The following CYP4B1 variants were observed in gnomAD, a reference collection of about 807,000 sequenced individuals.
The protein encoded by CYP4B1 is cytochrome P450 family 4 subfamily B member 1, also known as cytochrome P450 4B1.
CYP4B1 carries 45 observed loss-of-function variants against 54.0 expected under a neutral mutation model. That is an observed-to-expected ratio of 0.83 (90% CI 0.66 to 1.07). CYP4B1 has a LOEUF of 1.07. Among genes scored for constraint, CYP4B1 ranks in the 50% least tolerant of loss-of-function variants. The probability of loss-of-function intolerance (pLI) is 0.00; values close to 1 mark genes in which losing one functional copy is unlikely to be tolerated. For synonymous variants in CYP4B1, 248 were observed against 247.5 expected (o/e 1.00, Z -0.02); for missense variants, 656 against 655.4 (o/e 1.00, Z -0.01).
At chr1:46,815,298 C>T in intron 8 of CYP4B1, 34 bp downstream of exon 8, 1 of 1,513,626 alleles carries the variant, frequency 6.6e-7, no homozygotes, top group Non-Finnish European at 8.8e-7. Context: ...TTATCCTGCT[C>T]AGCCCTTGGG....
At chr1:46,812,209 A>G (rs1011202160) in intron 3 of CYP4B1, 13 of 566,752 alleles carry the variant, frequency 2.3e-5, no homozygotes, top group Middle Eastern at 2.7e-4. Context: ...ACATCTGGCA[A>G]TGTCATCTGA....
At position 46,811,773 on chromosome 1, in the gene CYP4B1, A is replaced by G. The variant is rs1679110403; in HGVS notation, c.367+589A>G. On this transcript the variant is annotated intron_variant, in intron 3 of 11. Coordinates refer to ENST00000371923, the MANE Select transcript of CYP4B1 (RefSeq NM_001099772.2). The stretch of plus-strand genomic sequence containing the variant: ...CATTGAGTATTCTTTAGCCAAGGCC[A>G]TATGCTTCTCCAAAGCTCCTCTTTT... Among the ~76,000 whole-genome samples, 3 of 152,196 alleles carry G rather than the reference A, an allele frequency of 2.0e-5. 1 individual carries two copies. In the South Asian group the frequency reaches 6.2e-4, roughly 31 times the overall value.
chr1:46,809,208 A>T (rs35829903), intron 1 of CYP4B1, among the ~76,000 whole-genome samples: 25,518 of 151,648 alleles, frequency 0.17, 2,146 homozygotes, highest in East Asian at 0.19. Flanking sequence ...AAACAAAAAA[A>T]AGCTCTCATG....
At chr1:46,801,703 G>A (rs944061519) in intron 1 of CYP4B1, among the ~76,000 whole-genome samples, 2 of 152,198 alleles carry the variant, frequency 1.3e-5, no homozygotes, top group African/African-American at 2.4e-5. Context: ...GCAGAGAGGG[G>A]ATTATTTTCC....
At chr1:46,807,229 T>G (rs1369726703) in intron 1 of CYP4B1, among the ~76,000 whole-genome samples, 1 of 152,070 alleles carries the variant, frequency 6.6e-6, no homozygotes, top group Non-Finnish European at 1.5e-5. Flanking sequence ...GGGCACAGGT[T>G]GTGAATGTGG....
chr1:46,812,585 T>C lies in CYP4B1; in HGVS notation c.457T>C (p.Tyr153His), dbSNP rs539678720. 6.2e-7 allele frequency: 1 copy of C among 1,613,844 alleles called. No individual in the cohort carries two copies. Among genetic ancestry groups the C allele is most frequent in the Admixed American group, 1.7e-5 (1 of 59,992 alleles). The part of the protein sequence containing the change: ...PGFHYDVLKP[Y>H]VAVFTESTRI... The stretch of plus-strand genomic sequence containing the variant: ...CTTTCATTATGATGTGCTGAAGCCC[T>C]ATGTGGCCGTGTTCACTGAGTCTAC... Residue 153 changes from tyrosine to histidine, a missense_variant, in exon 4 of 12, where the codon TAT becomes CAT. Transcript: ENST00000371923.
At chr1:46,802,125 T>C (rs1678685526) in intron 1 of CYP4B1, among the ~76,000 whole-genome samples, 1 of 152,134 alleles carries the variant, frequency 6.6e-6, no homozygotes, top group African/African-American at 2.4e-5. Flanking sequence ...ACATAGTAGG[T>C]GCTCAGCTAT....
rs999227114 is a variant in CYP4B1 at position 46,818,032 on chromosome 1, A to G, written c.1272+3A>G. 6.2e-7 allele frequency: 1 copy of G among 1,614,058 alleles called. No homozygotes were observed. The highest frequency in any genetic ancestry group is 8.5e-7 in the Non-Finnish European group (1 of 1,179,944). ...GTGCTGTATGGCCCGACCCTGAGGTACCCTTTCCCTGGGCTGGGAGATCAG... is the reference window on the plus strand; with the variant it reads ...GTGCTGTATGGCCCGACCCTGAGGTGCCCTTTCCCTGGGCTGGGAGATCAG... On this transcript the variant is annotated splice_donor_region_variant and intron_variant, in intron 10 of 11. Coordinates refer to ENST00000371923, the MANE Select transcript of CYP4B1 (RefSeq NM_001099772.2).
intron 3 of CYP4B1, among the ~76,000 whole-genome samples, chr1:46,811,832 TGGGAGCTGAGA>T (rs1182828311): frequency 6.6e-6 from 1 of 152,202 alleles, no homozygotes; most frequent in African/African-American, 2.4e-5. Context: ...AGCGTTTTCC[TGGGAGCTGAGA>T]AAGGGCAGGG....
At chr1:46,812,287 G>A in intron 3 of CYP4B1, 1 of 692,622 alleles carries the variant, frequency 1.4e-6, no homozygotes, top group Non-Finnish European at 2.6e-6. Context: ...CCTGTCCTAA[G>A]GAAGGAGCTC....
intron 1 of CYP4B1, among the ~76,000 whole-genome samples, chr1:46,808,481 T>TC (rs1678951676): frequency 4.6e-5 from 7 of 151,744 alleles, no homozygotes; most frequent in African/African-American, 1.7e-4. Context: ...CGCCCACTTT[T>TC]TGATGGGGTT....
Position 46,813,917 on chromosome 1 carries a change from G to A in CYP4B1, c.629G>A (p.Ser210Asn), listed in dbSNP as rs1385032551. The stretch of plus-strand genomic sequence containing the variant: ...TCCTACCCTCTGCTTAGCAGGGACA[G>A]CAGCTACTACCTTGCAGTCAGCGAT... Reference protein sequence around the residue: ...GDTGLGHSRDSSYYLAVSDLT... With the variant: ...GDTGLGHSRDNSYYLAVSDLT... Residue 210 changes from serine (S) to asparagine (N), a missense_variant, in exon 6 of 12, where the codon AGC becomes AAC. Ser to Asn is a conservative substitution (Grantham distance 46). Coordinates refer to ENST00000371923, the MANE Select transcript of CYP4B1 (RefSeq NM_001099772.2). 1.2e-6 allele frequency: 2 copies of A among 1,614,016 alleles called. No homozygotes were observed. Among genetic ancestry groups the A allele is most frequent in the African/African-American group, 1.3e-5 (1 of 74,920 alleles).
At chr1:46,808,482 T>C (rs1285736904) in intron 1 of CYP4B1, among the ~76,000 whole-genome samples, 7 of 151,808 alleles carry the variant, frequency 4.6e-5, no homozygotes, top group African/African-American at 1.7e-4. Flanking sequence ...GCCCACTTTT[T>C]GATGGGGTTG....
intron 1 of CYP4B1, among the ~76,000 whole-genome samples, chr1:46,808,335 T>A (rs1004279708): frequency 2.0e-5 from 3 of 152,050 alleles, no homozygotes; most frequent in Admixed American, 2.0e-4. Flanking sequence ...ATGATTGTCA[T>A]TCTAACTGGT....
At chr1:46,810,774 C>T (rs1198103598) in intron 1 of CYP4B1, 34 bp from the exon 2 acceptor site, 1 of 1,613,144 alleles carries the variant, frequency 6.2e-7, no homozygotes, top group African/African-American at 1.3e-5. Context: ...ACAATGTGTT[C>T]CTGAGTGACC....
intron 1 of CYP4B1, among the ~76,000 whole-genome samples, chr1:46,810,100 G>A (rs1181398575): frequency 2.0e-5 from 3 of 152,082 alleles, no homozygotes; most frequent in African/African-American, 7.2e-5. Flanking sequence ...TTCTCACCTG[G>A]AATGCTTTTC....
rs1295341706 is a variant in CYP4B1, at chr1:46,818,694, C to T, written c.1419C>T (p.Leu473=). ...AGGTGGTCACAGCCATGTGCTTGCTCCGCTTTGAGTTCTCTCTGGACCCCT... is the reference window on the plus strand; with the variant it reads ...AGGTGGTCACAGCCATGTGCTTGCTTCGCTTTGAGTTCTCTCTGGACCCCT... The part of the protein sequence containing the change: ...EMKVVTAMCL[L]RFEFSLDPSR... Residue 473 remains leucine, a synonymous_variant, in exon 12 of 12, where the codon CTC becomes CTT. Coordinates refer to ENST00000371923, the MANE Select transcript of CYP4B1 (RefSeq NM_001099772.2). 2 of 1,614,176 alleles carry T rather than the reference C, an allele frequency of 1.2e-6. No homozygotes were observed. The highest frequency in any genetic ancestry group is 2.2e-5 in the South Asian group (2 of 91,074).
Position 46,805,106 on chromosome 1 carries a change from A to G in CYP4B1, c.181-5702A>G, listed in dbSNP as rs191760466. On this transcript the variant is annotated intron_variant, in intron 1 of 11. Coordinates refer to ENST00000371923, the MANE Select transcript of CYP4B1 (RefSeq NM_001099772.2). ...GCCCATGTGTTGGAAGAGTGGATGA[A>G]TCTCTGGGGGGAACCAACTCTGGGC... is the stretch of plus-strand genomic sequence containing the variant. Among the ~76,000 whole-genome samples the G allele has an allele frequency of 3.4e-3, 515 of 152,316 alleles. 3 individuals carry two copies. The highest frequency in any genetic ancestry group is 0.012 in the African/African-American group (489 of 41,576).
At position 46,813,926 on chromosome 1, in the gene CYP4B1, A is replaced by C; in HGVS notation, c.638A>C (p.Tyr213Ser). The stretch of plus-strand genomic sequence containing the variant: ...CTGCTTAGCAGGGACAGCAGCTACT[A>C]CCTTGCAGTCAGCGATCTCACTCTG... ...GLGHSRDSSY[Y>S]LAVSDLTLLM... is the part of the protein sequence containing the mutation. Residue 213 changes from tyrosine (Y) to serine (S), a missense_variant, in exon 6 of 12, where the codon TAC becomes TCC. Physicochemically the swap from Tyr to Ser is moderately radical, Grantham distance 144. Coordinates refer to ENST00000371923, the MANE Select transcript of CYP4B1 (RefSeq NM_001099772.2). The C allele has an allele frequency of 1.9e-6, 3 of 1,614,066 alleles. No homozygotes were observed. Among genetic ancestry groups the C allele is most frequent in the Non-Finnish European group, 2.5e-6 (3 of 1,179,978 alleles).
Sources: allele counts gnomAD v4.1 joint callset (sites outside exome capture counted in the v4.1 genomes callset), GRCh38; gene constraint gnomAD v4.1.1; transcripts MANE v1.5; gene names NCBI Gene and HGNC (gene_info 2026-07-23, HGNC 2026-07-21).